The following FOLH1 variants were observed in gnomAD, a reference collection of about 807,000 sequenced individuals.
FOLH1 encodes glutamate carboxypeptidase 2.
Under a neutral mutation model 93.9 loss-of-function variants are expected in FOLH1, and 54 were observed. The ratio of observed to expected loss-of-function variants is 0.57; its 90% CI spans 0.46 to 0.72. FOLH1 has a LOEUF of 0.72. Ranked by LOEUF, FOLH1 falls within the 30% of genes least tolerant of loss-of-function variation. The probability of loss-of-function intolerance (pLI) is 0.00; values close to 1 mark genes in which losing one functional copy is unlikely to be tolerated. For synonymous variants in FOLH1, 249 were observed against 303.6 expected (o/e 0.82, Z 1.87); for missense variants, 571 against 892.5 (o/e 0.64, Z 4.59).
intron 7 of FOLH1, among the ~76,000 whole-genome samples, chr11:49,182,563 T>C (rs1860890211): frequency 6.6e-6 from 1 of 152,090 alleles, no homozygotes. Context: ...GTAAGAGGAA[T>C]ACATGAGTAA....
intron 4 of FOLH1, among the ~76,000 whole-genome samples, chr11:49,190,947 G>A (rs973473750): frequency 7.2e-5 from 11 of 152,166 alleles, no homozygotes; most frequent in Admixed American, 6.5e-4. Context: ...GTGATCTATT[G>A]AAGAAGCTGA....
chr11:49,193,001 G>C, intron 3 of FOLH1, 107 bp from the exon 4 acceptor site: 1 of 868,046 alleles, frequency 1.2e-6, no homozygotes, highest in South Asian at 2.4e-5. Context: ...GAGGGTGAAT[G>C]AATCCTTCAG....
At chr11:49,150,139 G>T (rs1393785503) in intron 17 of FOLH1, among the ~76,000 whole-genome samples, 1 of 152,124 alleles carries the variant, frequency 6.6e-6, no homozygotes, top group Non-Finnish European at 1.5e-5. Context: ...GCTTGCTAAT[G>T]TGAAATCTAT....
intron 4 of FOLH1, among the ~76,000 whole-genome samples, chr11:49,192,302 A>G (rs1397056665): frequency 6.6e-6 from 1 of 152,218 alleles, no homozygotes; most frequent in African/African-American, 2.4e-5. Flanking sequence ...GTGCAAAAAC[A>G]TAAGGAAAAT....
chr11:49,183,293 C>T lies in FOLH1; in HGVS notation c.827-51G>A, dbSNP rs146201141. ...CAGTAAAAACTCAGTTTCATTCAAA[C>T]GGTTCTCTATAAATCACATTAAATA... On this transcript the variant is annotated intron_variant, in intron 6 of 18. Transcript: ENST00000256999. 2.7e-3 allele frequency: 3,803 copies of T among 1,394,634 alleles called. 65 individuals are homozygous for T. In the Admixed American group the frequency reaches 0.038, roughly 14 times the overall value. The allele number at this position is 1,394,634 out of a possible 1,614,324, so 86.4% of individuals were successfully genotyped here. A position where few individuals can be genotyped will look rare whatever the true frequency, so the allele number is the denominator to read the frequency against.
At chr11:49,167,047 A>AAC (rs1491522145) in intron 12 of FOLH1, among the ~76,000 whole-genome samples, 1 of 43,488 alleles carries the variant, frequency 2.3e-5, no homozygotes, top group African/African-American at 3.9e-5. Context: ...CAACAACAAC[A>AAC]AAAAAAAACA....
chr11:49,151,914 TAAAGAATTGA>T (rs1856549537), intron 17 of FOLH1, among the ~76,000 whole-genome samples: 1 of 152,194 alleles, frequency 6.6e-6, no homozygotes, highest in Non-Finnish European at 1.5e-5. Flanking sequence ...ATAAAAATTA[TAAAGAATTGA>T]AAAGAATAGG....
At chr11:49,171,303 G>A (rs1442629634) in intron 10 of FOLH1, 26 bp from the exon 11 acceptor site, 20 of 1,501,768 alleles carry the variant, frequency 1.3e-5, no homozygotes, top group Non-Finnish European at 1.8e-5. Flanking sequence ...ATATATAAAT[G>A]ATAGAAAAAA....
chr11:49,193,357 C>T (rs1302804694), intron 3 of FOLH1, among the ~76,000 whole-genome samples: 1 of 152,118 alleles, frequency 6.6e-6, no homozygotes, highest in Non-Finnish European at 1.5e-5. Context: ...TATGTAGTTG[C>T]TTCACAGAAG....
chr11:49,151,419 CACACACACAG>C (rs1328217089), intron 17 of FOLH1, among the ~76,000 whole-genome samples: 2 of 144,318 alleles, frequency 1.4e-5, no homozygotes, highest in Non-Finnish European at 3.0e-5. Flanking sequence ...TGCGTGCACA[CACACACACAG>C]ACACACACAC....
At chr11:49,152,571 G>A (rs898210715) in intron 17 of FOLH1, among the ~76,000 whole-genome samples, 98 of 152,068 alleles carry the variant, frequency 6.4e-4, no homozygotes, top group African/African-American at 2.3e-3. Context: ...CTTTGCAGGT[G>A]TATCTTTGAC....
chr11:49,158,930 G>A (rs1227947752), intron 13 of FOLH1, among the ~76,000 whole-genome samples: 2 of 152,076 alleles, frequency 1.3e-5, no homozygotes, highest in Non-Finnish European at 2.9e-5. Flanking sequence ...TTGGCTCTTG[G>A]CTTGTCTGTT....
intron 1 of FOLH1, chr11:49,206,715 G>A (rs964610446): frequency 3.3e-5 from 50 of 1,504,644 alleles, no homozygotes; most frequent in East Asian, 3.0e-4. Context: ...GAGAGTTTGC[G>A]TTTCCAGTGA....
intron 17 of FOLH1, among the ~76,000 whole-genome samples, chr11:49,151,700 T>C (rs1856529621): frequency 6.6e-6 from 1 of 152,154 alleles, no homozygotes; most frequent in South Asian, 2.1e-4. Context: ...ATAAAACAAA[T>C]ATAGAAATAC....
intron 13 of FOLH1, 141 bp downstream of exon 13, chr11:49,164,564 G>A (rs1292862850): frequency 3.3e-6 from 2 of 605,340 alleles, no homozygotes; most frequent in Non-Finnish European, 6.0e-6. Flanking sequence ...TAGATGTGAT[G>A]GTCTGTGAAG....
At chr11:49,202,236 T>G (rs1015727288) in intron 2 of FOLH1, among the ~76,000 whole-genome samples, 13 of 152,314 alleles carry the variant, frequency 8.5e-5, no homozygotes, top group Non-Finnish European at 1.0e-4. Context: ...TTTAATCATT[T>G]GAGATGTGTG....
intron 17 of FOLH1, among the ~76,000 whole-genome samples, chr11:49,152,496 A>G (rs1460270850): frequency 6.6e-6 from 1 of 152,234 alleles, no homozygotes; most frequent in Non-Finnish European, 1.5e-5. Context: ...TAAAAATAAC[A>G]TCACATTACT....
intron 12 of FOLH1, among the ~76,000 whole-genome samples, chr11:49,167,924 C>CAGAAAA (rs10631447): frequency 0.99 from 150,040 of 151,066 alleles, 74,526 homozygotes; most frequent in Middle Eastern, 1. Context: ...ACAAAAAAAC[C>CAGAAAA]AGAAAAAGAA....
intron 3 of FOLH1, 147 bp from the exon 4 acceptor site, chr11:49,193,041 A>G (rs1862244658): frequency 2.0e-6 from 1 of 510,878 alleles, no homozygotes; most frequent in African/African-American, 2.0e-5. Flanking sequence ...GATACCCAGC[A>G]CTATGCTAGA....
Sources: allele counts gnomAD v4.1 joint callset (sites outside exome capture counted in the v4.1 genomes callset), GRCh38; gene constraint gnomAD v4.1.1; transcripts MANE v1.5; gene names NCBI Gene and HGNC (gene_info 2026-07-23, HGNC 2026-07-21).